The following PLA1A variants were observed in gnomAD, a reference collection of about 807,000 sequenced individuals.
The protein encoded by PLA1A is phospholipase A1 member A.
In PLA1A, 47 loss-of-function variants were observed where a neutral mutation model predicts 49.4. The observed-to-expected ratio is 0.95, with a 90% confidence interval of 0.75 to 1.21. PLA1A has a LOEUF of 1.21. PLA1A is among the 50% of genes most tolerant of loss of function. The pLI is 0.00. For missense variants in PLA1A, 561 were observed against 563.9 expected (o/e 0.99, Z 0.05); for synonymous variants, 224 against 207.9 (o/e 1.08, Z -0.67).
chr3:119,615,465 C>G (rs1408527558), intron 5 of PLA1A, among the ~76,000 whole-genome samples: 1 of 152,216 alleles, frequency 6.6e-6, no homozygotes, highest in Non-Finnish European at 1.5e-5. Flanking sequence ...GTTACAAAAA[C>G]TTGTGTTACA....
chr3:119,627,797 A>T (rs942698751), intron 9 of PLA1A, among the ~76,000 whole-genome samples: 2 of 152,212 alleles, frequency 1.3e-5, no homozygotes, highest in Admixed American at 1.3e-4. Flanking sequence ...CACCACCCTC[A>T]GGATCTGCTG....
chr3:119,625,949 G>A (rs779597391), intron 9 of PLA1A, among the ~76,000 whole-genome samples: 11 of 152,114 alleles, frequency 7.2e-5, no homozygotes, highest in Non-Finnish European at 1.2e-4. Flanking sequence ...ACAAGCCAGC[G>A]GGAGACAGAT....
intron 5 of PLA1A, 47 bp downstream of exon 5, chr3:119,613,165 G>A: frequency 7.7e-7 from 1 of 1,292,668 alleles, no homozygotes; most frequent in Non-Finnish European, 1.1e-6. Flanking sequence ...GCTCAAGGCA[G>A]CGCCTAGGAG....
At chr3:119,606,259 ACACTGTCCTTGGCTTGTAGATGGC>A (rs1269885673) in intron 1 of PLA1A, among the ~76,000 whole-genome samples, 1 of 152,202 alleles carries the variant, frequency 6.6e-6, no homozygotes, top group Non-Finnish European at 1.5e-5. Context: ...CTGTTCCAGG[ACACTGTCCTTGGCTTGTAGATGGC>A]CACTGTCTCC....
In PLA1A at chr3:119,616,059, G is replaced by C. The variant is rs372028931; in HGVS notation, c.712G>C (p.Gly238Arg). ...TGGACATGTGGACTACTTCGTCAAC[G>C]GAGGCCAAGACCAACCTGGCTGCCC... ...PVGHVDYFVN[G>R]GQDQPGCPTF... The change falls in exon 6 of 11, where the codon GGA becomes CGA. Residue 238 changes from glycine (G) to arginine (R), a missense_variant. Transcript: ENST00000273371. 3.1e-6 allele frequency: 5 copies of C among 1,613,572 alleles called. No homozygotes were observed.
chr3:119,625,304 C>A, intron 9 of PLA1A, 72 bp downstream of exon 9: 2 of 955,488 alleles, frequency 2.1e-6, no homozygotes, highest in Non-Finnish European at 3.3e-6. Context: ...CACACATGGA[C>A]ATCCCAGGTC....
chr3:119,599,875 C>T (rs2082594560), intron 1 of PLA1A, among the ~76,000 whole-genome samples: 1 of 152,136 alleles, frequency 6.6e-6, no homozygotes, highest in African/African-American at 2.4e-5. Context: ...TCAACAGCAA[C>T]AATATTTATT....
At chr3:119,607,745 C>A (rs1036197348) in intron 2 of PLA1A, among the ~76,000 whole-genome samples, 2 of 152,204 alleles carry the variant, frequency 1.3e-5, no homozygotes, top group Non-Finnish European at 1.5e-5. Flanking sequence ...TCTAGCACAT[C>A]TCATATTCCA....
chr3:119,619,644 C>G lies in PLA1A; in HGVS notation c.1004C>G (p.Pro335Arg). 1 of 1,606,814 alleles carries G rather than the reference C, an allele frequency of 6.2e-7. No homozygotes were observed. The highest frequency in any genetic ancestry group is 2.2e-5 in the East Asian group (1 of 44,838). Residue 335 changes from proline (P) to arginine (R), a missense_variant, in exon 8 of 11, where the codon CCG becomes CGG. By Grantham distance (103) the Pro-to-Arg change is moderately radical (BLOSUM62 -2). Transcript: ENST00000273371. The part of the protein sequence containing the change: ...KVYLLTTSSA[P>R]YCMHHSLVEF... ...TACCTCCTGACTACTTCCAGTGCTC[C>G]GTACTGCAGTGAGTAGGGGGAAATG...
intron 5 of PLA1A, among the ~76,000 whole-genome samples, chr3:119,613,665 A>AG (rs2082800690): frequency 6.6e-6 from 1 of 152,182 alleles, no homozygotes; most frequent in Non-Finnish European, 1.5e-5. Context: ...AGGCCAAGGC[A>AG]GGTGGATCAG....
At position 119,600,107 on chromosome 3, in the gene PLA1A, A is replaced by G. The variant is rs1221162113; in HGVS notation, c.73+2121A>G. On this transcript the variant is annotated intron_variant, in intron 1 of 10. Coordinates refer to ENST00000273371, the MANE Select transcript of PLA1A (RefSeq NM_015900.4). ...ATGCCGGATGCAGAGAGCTCAAGGT[A>G]AAGGAAAGGAAGAGCTCAAATGATC... Among the ~76,000 whole-genome samples the G allele has an allele frequency of 2.6e-5, 4 of 152,302 alleles. No individual in the cohort carries two copies. The East Asian group carries it at 7.7e-4, about 29-fold the overall frequency.
At chr3:119,599,524 T>C (rs2082586800) in intron 1 of PLA1A, among the ~76,000 whole-genome samples, 1 of 152,122 alleles carries the variant, frequency 6.6e-6, no homozygotes, top group Non-Finnish European at 1.5e-5. Context: ...GGGAGGACTA[T>C]AGCAAATTGG....
intron 9 of PLA1A, among the ~76,000 whole-genome samples, chr3:119,628,337 G>A (rs1299276994): frequency 6.6e-6 from 1 of 152,216 alleles, no homozygotes; most frequent in Non-Finnish European, 1.5e-5. Context: ...TCTTTGAAAA[G>A]GAATGTCCTA....
intron 9 of PLA1A, among the ~76,000 whole-genome samples, chr3:119,626,841 A>G (rs1232241847): frequency 6.6e-6 from 1 of 152,142 alleles, no homozygotes; most frequent in Non-Finnish European, 1.5e-5. Flanking sequence ...GTGCCCACAG[A>G]GCCTTGCAGA....
intron 1 of PLA1A, 38 bp from the exon 2 acceptor site, chr3:119,606,736 A>G (rs749334215): frequency 6.5e-6 from 10 of 1,539,262 alleles, no homozygotes; most frequent in Non-Finnish European, 9.0e-6. Flanking sequence ...AGATGACCTC[A>G]CCTTGGATGT....
intron 5 of PLA1A, 130 bp downstream of exon 5, chr3:119,613,248 G>T (rs1261705432): frequency 3.4e-6 from 2 of 594,834 alleles, no homozygotes; most frequent in Non-Finnish European, 3.0e-6. Context: ...ACAGTGAAGA[G>T]TTTACCAAAA....
chr3:119,601,764 A>G (rs1468919949), intron 1 of PLA1A, among the ~76,000 whole-genome samples: 1 of 152,168 alleles, frequency 6.6e-6, no homozygotes, highest in African/African-American at 2.4e-5. Context: ...GACATTTCTT[A>G]TCTGTTCCCT....
In PLA1A at chr3:119,609,455, C is replaced by A. The variant is rs745630167; in HGVS notation, c.454-13C>A. On this transcript the variant is annotated splice_polypyrimidine_tract_variant and intron_variant, in intron 3 of 10. Transcript: ENST00000273371. ...TGTGGCCCACGGGGAACTCACTGTTCCTGCTCTTCTAGGTGCTGGGTGTGT... is the reference window on the plus strand; with the variant it reads ...TGTGGCCCACGGGGAACTCACTGTTACTGCTCTTCTAGGTGCTGGGTGTGT... The A allele has an allele frequency of 3.2e-6, 5 of 1,545,636 alleles. No individual in the cohort carries two copies. In the Admixed American group the frequency reaches 8.3e-5, roughly 26 times the overall value.
intron 1 of PLA1A, among the ~76,000 whole-genome samples, chr3:119,605,953 A>C (rs1482656533): frequency 6.6e-6 from 1 of 152,204 alleles, no homozygotes; most frequent in Non-Finnish European, 1.5e-5. Context: ...AGGCTATGGC[A>C]GGGCTCTTGA....
Sources: allele counts gnomAD v4.1 joint callset (sites outside exome capture counted in the v4.1 genomes callset), GRCh38; gene constraint gnomAD v4.1.1; transcripts MANE v1.5; gene names NCBI Gene and HGNC (gene_info 2026-07-23, HGNC 2026-07-21).